The following GATAD2A variants were observed in gnomAD, a reference collection of about 807,000 sequenced individuals.
GATAD2A encodes GATA zinc finger domain containing 2A, also known as transcriptional repressor p66-alpha.
In GATAD2A, 12 loss-of-function variants were observed where a neutral mutation model predicts 68.5. The observed-to-expected ratio is 0.18, with a 90% confidence interval of 0.11 to 0.28. The LOEUF is 0.28. Ranked by LOEUF, GATAD2A falls within the 10% of genes least tolerant of loss-of-function variation. The pLI is 1.00. For missense variants in GATAD2A, 755 were observed against 868.5 expected (o/e 0.87, Z 1.64); for synonymous variants, 410 against 375.3 (o/e 1.09, Z -1.07).
intron 1 of GATAD2A, chr19:19,458,383 T>C (rs2057130371): frequency 6.6e-6 from 1 of 152,290 alleles, no homozygotes; most frequent in Admixed American, 6.5e-5. Context: ...TTTACTTGTT[T>C]GCTCCTCTTT....
rs2060502475 is a variant in GATAD2A, at chr19:19,501,240, A to G, written c.1327A>G (p.Met443Val). ...KSGAIMCENCMTTNQKKALKV... is the reference protein window; with the variant it reads ...KSGAIMCENCVTTNQKKALKV... ...CGGCGCCATCATGTGTGAGAACTGCATGACAACCAACCAGAAGAAGGCGCT... is the reference window on the plus strand; with the variant it reads ...CGGCGCCATCATGTGTGAGAACTGCGTGACAACCAACCAGAAGAAGGCGCT... The change falls in exon 9 of 12, where the codon ATG (methionine) becomes GTG (valine). Residue 443 changes from methionine to valine, a missense_variant. Physicochemically the swap from Met to Val is conservative, Grantham distance 21. Coordinates refer to ENST00000683918, the MANE Select transcript of GATAD2A (RefSeq NM_001384528.1). 1 of 1,613,372 alleles carries G rather than the reference A, an allele frequency of 6.2e-7. No homozygotes were observed. Among genetic ancestry groups the G allele is most frequent in the Non-Finnish European group, 8.5e-7 (1 of 1,180,016 alleles).
At chr19:19,460,827 G>A (rs2057364387) in intron 1 of GATAD2A, among the ~76,000 whole-genome samples, 2 of 152,174 alleles carry the variant, frequency 1.3e-5, no homozygotes, top group East Asian at 3.8e-4. Context: ...ATCCTTTAGA[G>A]CAAGCCAGAT....
chr19:19,501,898 G>A, intron 9 of GATAD2A, 71 bp from the exon 10 acceptor site: 1 of 1,202,670 alleles, frequency 8.3e-7, no homozygotes, highest in South Asian at 1.2e-5. Flanking sequence ...TGTCCTGTGG[G>A]GCTCACCCTC....
chr19:19,496,459 G>A (rs1465284539), intron 7 of GATAD2A, among the ~76,000 whole-genome samples: 1 of 152,238 alleles, frequency 6.6e-6, no homozygotes, highest in Non-Finnish European at 1.5e-5. Context: ...CAGCTGACGA[G>A]AGGGGCGATG....
Position 19,465,375 on chromosome 19 carries a change from T to C in GATAD2A, c.30T>C (p.Ser10=). Residue 10 remains serine (S), a synonymous_variant, in exon 2 of 12, where the codon AGT becomes AGC. Transcript: ENST00000683918. MTEEACRTR[S]QKRALERDPT... ...CCGAAGAAGCATGCCGAACACGGAG[T>C]CAGAAACGAGCGCTTGAACGGGACC... The C allele has an allele frequency of 6.2e-7, 1 of 1,613,670 alleles. No homozygotes were observed. Among genetic ancestry groups the C allele is most frequent in the South Asian group, 1.1e-5 (1 of 91,066 alleles).
intron 11 of GATAD2A, among the ~76,000 whole-genome samples, chr19:19,502,962 G>A (rs997142697): frequency 3.3e-5 from 5 of 152,218 alleles, no homozygotes; most frequent in Non-Finnish European, 7.3e-5. Flanking sequence ...CAGTAATGCG[G>A]GGCAGGGGGT....
At chr19:19,430,980 T>TGG (rs1568278230) in intron 1 of GATAD2A, among the ~76,000 whole-genome samples, 1 of 121,078 alleles carries the variant, frequency 8.3e-6, no homozygotes, top group Non-Finnish European at 1.8e-5. Flanking sequence ...GGTAGGGGTG[T>TGG]GTGTGTGTGT....
In GATAD2A at chr19:19,505,540, C is replaced by G. The variant is rs951747007; in HGVS notation, c.*66C>G. The G allele has an allele frequency of 3.0e-5, 41 of 1,381,980 alleles. No homozygotes were observed. The highest frequency in any genetic ancestry group is 3.7e-5 in the Non-Finnish European group (38 of 1,023,788). The allele number at this position is 1,381,980 out of a possible 1,614,324, so 85.6% of individuals were successfully genotyped here. A position where few individuals can be genotyped will look rare whatever the true frequency, so the allele number is the denominator to read the frequency against. On this transcript the variant is annotated 3_prime_UTR_variant, in exon 12 of 12. Transcript: ENST00000683918. ...CACCTGGCCCCTGGTCTAGAAGGAC[C>G]CACTGCACCACCCTCCGCTGGCTCG...
intron 1 of GATAD2A, among the ~76,000 whole-genome samples, chr19:19,436,922 G>GC (rs1052564084): frequency 2.0e-5 from 3 of 152,190 alleles, no homozygotes; most frequent in African/African-American, 7.2e-5. Flanking sequence ...AGGGATTCAT[G>GC]CCCCATCGAA....
chr19:19,417,058 G>A (rs2051737192), intron 1 of GATAD2A, among the ~76,000 whole-genome samples: 1 of 152,246 alleles, frequency 6.6e-6, no homozygotes, highest in Middle Eastern at 3.4e-3. Context: ...CACCGTGCCC[G>A]GCCTAAAACT....
chr19:19,469,436 A>AAAAAAAAG (rs1017584925), intron 2 of GATAD2A, among the ~76,000 whole-genome samples: 1 of 151,848 alleles, frequency 6.6e-6, no homozygotes, highest in Non-Finnish European at 1.5e-5. Context: ...CATCTCAAAA[A>AAAAAAAAG]AAAAGAAAAA....
intron 1 of GATAD2A, among the ~76,000 whole-genome samples, chr19:19,406,339 C>G (rs2050249482): frequency 2.0e-5 from 3 of 151,280 alleles, no homozygotes; most frequent in Admixed American, 2.0e-4. Flanking sequence ...GGCGCCTCTT[C>G]CGAGTGGTCG....
At chr19:19,454,871 T>C (rs1010333881) in intron 1 of GATAD2A, among the ~76,000 whole-genome samples, 1 of 152,198 alleles carries the variant, frequency 6.6e-6, no homozygotes, top group Admixed American at 6.5e-5. Flanking sequence ...ACACAAATGT[T>C]GCGATGGTTG....
In GATAD2A at chr19:19,498,667, G is replaced by A; in HGVS notation, c.1149G>A (p.Glu383=). The change falls in exon 8 of 12, where the codon GAG becomes GAA. Residue 383 remains glutamate (E), a synonymous_variant. Coordinates refer to ENST00000683918, the MANE Select transcript of GATAD2A (RefSeq NM_001384528.1). The part of the protein sequence containing the change: ...MNFLPSAANN[E]FIYLVGLEEV... ...TCCTGCCCAGCGCCGCCAACAACGA[G>A]TTCATCTACCTGGTCGGCCTGGAGG... is the stretch of plus-strand genomic sequence containing the variant. The A allele has an allele frequency of 2.5e-6, 4 of 1,613,960 alleles. No homozygotes were observed. Among genetic ancestry groups the A allele is most frequent in the Non-Finnish European group, 3.4e-6 (4 of 1,180,008 alleles).
intron 1 of GATAD2A, among the ~76,000 whole-genome samples, chr19:19,452,896 C>T (rs1004525054): frequency 1.3e-5 from 2 of 152,160 alleles, no homozygotes; most frequent in African/African-American, 4.8e-5. Flanking sequence ...CCTTGTCCTC[C>T]TGTGCGTCCC....
At chr19:19,469,338 A>G (rs1044352956) in intron 2 of GATAD2A, among the ~76,000 whole-genome samples, 1 of 150,494 alleles carries the variant, frequency 6.6e-6, no homozygotes, top group Non-Finnish European at 1.5e-5. Context: ...AGGCTGAGGC[A>G]GGAAAATGGT....
chr19:19,400,841 T>C (rs908967392), upstream of GATAD2A, among the ~76,000 whole-genome samples: 2 of 152,096 alleles, frequency 1.3e-5, no homozygotes, highest in Non-Finnish European at 2.9e-5. Context: ...TTTAGAGTAC[T>C]AAGAATGCAA....
rs368941377 is a variant in GATAD2A, at chr19:19,405,707, G to T, written c.-319G>T. ...GCCCAGCCGGGCGCGGGCGGGCGGC[G>T]TCGCCTTTAAGAGCTCCCCGGTGTT... On this transcript the variant is annotated 5_prime_UTR_variant, in exon 1 of 12. Transcript: ENST00000683918. 6.0e-5 allele frequency: 9 copies of T among 150,958 alleles called. No individual in the cohort carries two copies. In the East Asian group the frequency reaches 7.8e-4, roughly 13 times the overall value. The allele number at this position is 150,958 out of a possible 1,614,324, so 9.4% of individuals were successfully genotyped here.
upstream of GATAD2A, among the ~76,000 whole-genome samples, chr19:19,402,837 G>A (rs376849556): frequency 2.0e-5 from 3 of 146,486 alleles, no homozygotes; most frequent in East Asian, 4.1e-4. Context: ...GTAATAGCGC[G>A]ATCTTGGCTC....
Sources: gnomAD v4.1 joint callset for allele counts (sites outside exome capture counted in the v4.1 genomes callset) on GRCh38, gnomAD v4.1.1 for gene constraint, MANE v1.5 for transcripts, NCBI Gene and HGNC (gene_info 2026-07-23, HGNC 2026-07-21) for gene names.